The following SMAD3 variants were observed in gnomAD, a reference collection of about 807,000 sequenced individuals.
SMAD3 encodes MAD homolog 3.
A neutral mutation model predicts 51.8 loss-of-function variants in SMAD3; 12 were observed. That is an observed-to-expected ratio of 0.23 (90% CI 0.15 to 0.38). SMAD3 has a LOEUF of 0.38. Ranked by LOEUF, SMAD3 falls within the 10% of genes least tolerant of loss-of-function variation. The probability of loss-of-function intolerance (pLI) is 1.00; values close to 1 mark genes in which losing one functional copy is unlikely to be tolerated. For missense variants in SMAD3, 294 were observed against 565.6 expected, an observed-to-expected ratio of 0.52 and a Z score of 4.87; for synonymous variants, 238 against 227.7, an observed-to-expected ratio of 1.05 and a Z score of -0.41.
intron 3 of SMAD3, 94 bp downstream of exon 3, chr15:67,165,478 G>C: frequency 6.9e-7 from 1 of 1,452,024 alleles, no homozygotes. Flanking sequence ...CCCCCTGGCC[G>C]TCCCCCGCTC....
At chr15:67,101,956 A>G (rs6494632) in intron 1 of SMAD3, among the ~76,000 whole-genome samples, 146,872 of 152,318 alleles carry the variant, frequency 0.96, 71,040 homozygotes, top group East Asian at 1. Flanking sequence ...GTTGTACTTG[A>G]CACAGCTGAA....
At chr15:67,107,856 T>C (rs1186111300) in intron 1 of SMAD3, among the ~76,000 whole-genome samples, 1 of 152,194 alleles carries the variant, frequency 6.6e-6, no homozygotes, top group East Asian at 1.9e-4. Context: ...ATCTGAGGCT[T>C]GAGGCTTCTG....
intron 5 of SMAD3, among the ~76,000 whole-genome samples, chr15:67,173,547 A>G (rs559418831): frequency 6.6e-6 from 1 of 152,188 alleles, no homozygotes; most frequent in African/African-American, 2.4e-5. Flanking sequence ...AAGGTGGGAA[A>G]AGGAGGCTGA....
chr15:67,127,830 T>C (rs1395876238), intron 1 of SMAD3, among the ~76,000 whole-genome samples: 1 of 152,174 alleles, frequency 6.6e-6, no homozygotes, highest in Non-Finnish European at 1.5e-5. Flanking sequence ...CTAGAGTGGA[T>C]GGCTAGAGGC....
intron 1 of SMAD3, chr15:67,142,878 G>T (rs1206820700): frequency 2.2e-6 from 1 of 454,476 alleles, no homozygotes; most frequent in African/African-American, 2.0e-5. Flanking sequence ...ATGATCCCAT[G>T]TGCAGGAGAC....
chr15:67,170,478 T>A (rs1962717486), intron 4 of SMAD3, 76 bp from the exon 5 acceptor site: 40 of 1,191,246 alleles, frequency 3.4e-5, no homozygotes, highest in Non-Finnish European at 4.6e-5. Flanking sequence ...CCCTCCTTGA[T>A]ATGTAAGTGT....
chr15:67,169,131 T>C (rs1259121462), intron 4 of SMAD3, among the ~76,000 whole-genome samples: 1 of 152,230 alleles, frequency 6.6e-6, no homozygotes, highest in African/African-American at 2.4e-5. Context: ...TAGATGATAT[T>C]ATCCTCATTT....
intron 1 of SMAD3, among the ~76,000 whole-genome samples, chr15:67,117,732 AATG>A (rs1421805459): frequency 1.3e-5 from 2 of 152,258 alleles, no homozygotes; most frequent in Non-Finnish European, 2.9e-5. Context: ...GTAATGTTTT[AATG>A]ATAACATAGA....
intron 1 of SMAD3, among the ~76,000 whole-genome samples, chr15:67,093,794 T>C (rs2140216754): frequency 6.6e-6 from 1 of 152,286 alleles, no homozygotes. Flanking sequence ...CAGCTGGTGG[T>C]TCCTATCTTC....
chr15:67,175,046 A>G (rs573305624), intron 5 of SMAD3, among the ~76,000 whole-genome samples: 1 of 152,174 alleles, frequency 6.6e-6, no homozygotes, highest in East Asian at 1.9e-4. Context: ...TCCTGTTATT[A>G]CACAGCGTGC....
chr15:67,066,732 C>T (rs778856147), intron 1 of SMAD3, among the ~76,000 whole-genome samples: 57 of 152,156 alleles, frequency 3.7e-4, no homozygotes, highest in Non-Finnish European at 6.8e-4. Context: ...CGGAGCCCCT[C>T]CTCCGCCGCC....
intron 1 of SMAD3, among the ~76,000 whole-genome samples, chr15:67,109,058 G>T (rs1960943618): frequency 6.6e-6 from 1 of 152,184 alleles, no homozygotes; most frequent in Non-Finnish European, 1.5e-5. Context: ...TCGTCTTCGT[G>T]TCTCTGGAGT....
chr15:67,065,793 G>A lies in SMAD3; in HGVS notation c.-362G>A, dbSNP rs1959897100. The A allele has an allele frequency of 4.9e-6, 1 of 204,500 alleles. No homozygotes were observed. The highest frequency in any genetic ancestry group is 7.1e-5 in the East Asian group (1 of 14,062). 12.7% of individuals were successfully genotyped at this position (204,500 alleles called of 1,614,324 possible). On this transcript the variant is annotated 5_prime_UTR_variant, in exon 1 of 9. Transcript: ENST00000327367. Reference sequence around the variant, plus strand: ...GGCCGGGGGTTGGACTTTCCTTCCCGGAGGCGGCACCCAAACAGCTACCCC... The same window carrying A: ...GGCCGGGGGTTGGACTTTCCTTCCCAGAGGCGGCACCCAAACAGCTACCCC...
chr15:67,165,242 C>G lies in SMAD3; in HGVS notation c.401-11C>G. ...ACACTGAGCCACCTCTGCTCTGTCT[C>G]CCCCGGACAGTTCTACCTCCTGTGT... On this transcript the variant is annotated splice_polypyrimidine_tract_variant and intron_variant, in intron 2 of 8. Transcript: ENST00000327367. The G allele has an allele frequency of 1.2e-6, 2 of 1,614,186 alleles. No individual in the cohort carries two copies. Among genetic ancestry groups the G allele is most frequent in the Non-Finnish European group, 8.5e-7 (1 of 1,180,032 alleles).
intron 1 of SMAD3, among the ~76,000 whole-genome samples, chr15:67,099,328 T>C (rs1301077683): frequency 6.6e-6 from 1 of 152,170 alleles, no homozygotes; most frequent in Non-Finnish European, 1.5e-5. Context: ...AGAGAAGGTG[T>C]GTTGTTGAAA....
chr15:67,084,294 G>C (rs1272541660), intron 1 of SMAD3, among the ~76,000 whole-genome samples: 2 of 151,406 alleles, frequency 1.3e-5, no homozygotes, highest in Admixed American at 6.6e-5. Flanking sequence ...TGTTAGCCAG[G>C]ATGGTCTCCA....
At chr15:67,161,256 C>G (rs1003730877) in intron 1 of SMAD3, among the ~76,000 whole-genome samples, 3 of 152,206 alleles carry the variant, frequency 2.0e-5, no homozygotes, top group African/African-American at 7.2e-5. Flanking sequence ...TATTTCTGGA[C>G]TCTGTTAGGT....
At chr15:67,076,681 G>A (rs1388955409) in intron 1 of SMAD3, among the ~76,000 whole-genome samples, 2 of 152,238 alleles carry the variant, frequency 1.3e-5, no homozygotes, top group Non-Finnish European at 2.9e-5. Flanking sequence ...CTGGGGCAAG[G>A]AGACTGTAGG....
chr15:67,180,115 G>A (rs1223253104), intron 5 of SMAD3, among the ~76,000 whole-genome samples: 4 of 152,178 alleles, frequency 2.6e-5, no homozygotes, highest in East Asian at 1.9e-4. Context: ...GCAGAGTGTC[G>A]TAGGCTAAGG....
Sources: allele counts gnomAD v4.1 joint callset (sites outside exome capture counted in the v4.1 genomes callset), GRCh38; gene constraint gnomAD v4.1.1; transcripts MANE v1.5; gene names NCBI Gene and HGNC (gene_info 2026-07-23, HGNC 2026-07-21).